Variants in DNAJC5 observed in about 807,000 individuals in gnomAD.
DNAJC5 encodes the protein DnaJ heat shock protein family (Hsp40) member C5.
A neutral mutation model predicts 23.2 loss-of-function variants in DNAJC5; 1 was observed. The ratio of observed to expected loss-of-function variants is 0.04; its 90% confidence interval spans 0.02 to 0.20. DNAJC5 has a LOEUF of 0.20. Ranked by LOEUF, DNAJC5 falls within the 10% of genes least tolerant of loss-of-function variation. The pLI is 1.00. For synonymous variants in DNAJC5, 136 were observed against 120.0 expected (o/e 1.13, Z -0.87); for missense variants, 180 against 267.0 (o/e 0.67, Z 2.27).
At chr20:63,908,312 C>T (rs932622140) in intron 1 of DNAJC5, among the ~76,000 whole-genome samples, 2 of 152,174 alleles carry the variant, frequency 1.3e-5, no homozygotes, top group African/African-American at 4.8e-5. Context: ...AAGTCAGGGC[C>T]GTTTCCATCA....
At chr20:63,913,441 G>A (rs1480463605) in intron 1 of DNAJC5, among the ~76,000 whole-genome samples, 1 of 151,338 alleles carries the variant, frequency 6.6e-6, no homozygotes, top group Non-Finnish European at 1.5e-5. Flanking sequence ...CTGTTGCCCA[G>A]GCTGGAGTGC....
rs1222347341 is a variant in DNAJC5 at position 63,935,647 on chromosome 20, GGAGTCCACACA to G, written c.*4081_*4091del. 1 of 152,280 alleles carries G rather than the reference GGAGTCCACACA, an allele frequency of 6.6e-6. No individual in the cohort carries two copies. The highest frequency in any genetic ancestry group is 1.5e-5 in the Non-Finnish European group (1 of 68,058). The allele number at this position is 152,280 out of a possible 1,614,324, so 9.4% of individuals were successfully genotyped here. Reference sequence around the variant, plus strand: ...GTGCTGGCCCCGGGTCCGCCCCAGAGGAGTCCACACAGCACCACCTCCAGAAGGGGCTGGGC... The same window carrying G: ...GTGCTGGCCCCGGGTCCGCCCCAGAGGCACCACCTCCAGAAGGGGCTGGGC... On this transcript the variant is annotated 3_prime_UTR_variant, in exon 5 of 5. Coordinates refer to ENST00000360864, the MANE Select transcript of DNAJC5 (RefSeq NM_025219.3).
chr20:63,928,156 C>T lies in DNAJC5; in HGVS notation c.-11-179C>T, dbSNP rs536567692. Among the ~76,000 whole-genome samples, 38 of 152,212 alleles carry T rather than the reference C, an allele frequency of 2.5e-4. No individual in the cohort carries two copies. The highest frequency in any genetic ancestry group is 8.2e-4 in the African/African-American group (34 of 41,522). ...GTTCTTCAGGATCTCTTGGGGTGGC[C>T]GTATTCTGCCGTCTCACACTTCTCC... is the stretch of plus-strand genomic sequence containing the variant. On this transcript the variant is annotated intron_variant, in intron 1 of 4. Coordinates refer to ENST00000360864, the MANE Select transcript of DNAJC5 (RefSeq NM_025219.3). The surrounding 1 kb of genome is among the most constrained non-coding windows in gnomAD (Gnocchi z 4.6).
At chr20:63,919,180 A>G (rs567266031) in intron 1 of DNAJC5, among the ~76,000 whole-genome samples, 23 of 152,304 alleles carry the variant, frequency 1.5e-4, no homozygotes, top group Admixed American at 1.5e-3. Context: ...GACCTGCTAG[A>G]CTGCAAGCTG....
At chr20:63,901,055 C>T (rs2053408147) in intron 1 of DNAJC5, among the ~76,000 whole-genome samples, 1 of 152,246 alleles carries the variant, frequency 6.6e-6, no homozygotes, top group South Asian at 2.1e-4. Flanking sequence ...GCTTCCACCT[C>T]CCGGGTTCAA....
chr20:63,909,911 A>G (rs1224192039), intron 1 of DNAJC5, among the ~76,000 whole-genome samples: 2 of 152,220 alleles, frequency 1.3e-5, no homozygotes, highest in Non-Finnish European at 2.9e-5. Flanking sequence ...AGCAAGCAGC[A>G]TGACCTCGTG....
At chr20:63,924,726 G>C (rs1010431318) in intron 1 of DNAJC5, among the ~76,000 whole-genome samples, 1 of 152,242 alleles carries the variant, frequency 6.6e-6, no homozygotes, top group Admixed American at 6.5e-5. Context: ...GTGCGTGCCT[G>C]TAGTCCCGTG....
chr20:63,929,654 G>A lies in DNAJC5; in HGVS notation c.321+129G>A, dbSNP rs1263251526. The stretch of plus-strand genomic sequence containing the variant: ...GGCACCCGAGTCTCTCCTGCCGTGC[G>A]GGCACCCGAGTCTCTCCTGCCGTGC... On this transcript the variant is annotated intron_variant, in intron 3 of 4. Transcript: ENST00000360864. The surrounding 1 kb of genome is among the most constrained non-coding windows in gnomAD (Gnocchi z 8.6). The A allele has an allele frequency of 1.3e-5, 11 of 829,872 alleles. No homozygotes were observed. The highest frequency in any genetic ancestry group is 3.3e-4 in the Middle Eastern group (1 of 2,986). The allele number at this position is 829,872 out of a possible 1,614,324, so 51.4% of individuals were successfully genotyped here. A position where few individuals can be genotyped will look rare whatever the true frequency, so the allele number is the denominator to read the frequency against.
chr20:63,920,205 C>T lies in DNAJC5; in HGVS notation c.-11-8130C>T, dbSNP rs961368844. ...CAGGGGAGGTTCCCAAGAGCAGGCT[C>T]AGGGCTCTGGGGTCTGAGTGAGGGC... On this transcript the variant is annotated intron_variant, in intron 1 of 4. Transcript: ENST00000360864. The surrounding 1 kb of genome is among the most constrained non-coding windows in gnomAD (Gnocchi z 4.6). Among the ~76,000 whole-genome samples the T allele has an allele frequency of 6.6e-6, 1 of 152,238 alleles. No homozygotes were observed. The highest frequency in any genetic ancestry group is 2.4e-5 in the African/African-American group (1 of 41,468).
rs2146313687 is a variant in DNAJC5, at chr20:63,934,339, G to C, written c.*2771G>C. On this transcript the variant is annotated 3_prime_UTR_variant, in exon 5 of 5. Coordinates refer to ENST00000360864, the MANE Select transcript of DNAJC5 (RefSeq NM_025219.3). The stretch of plus-strand genomic sequence containing the variant: ...CCCAGCACCCCTGCCTGCTTTTGCT[G>C]GTGGCAGTGACGGGACCCCGACTCC... The C allele has an allele frequency of 6.6e-6, 1 of 152,374 alleles. No homozygotes were observed. The highest frequency in any genetic ancestry group is 2.1e-4 in the South Asian group (1 of 4,830). 9.4% of individuals were successfully genotyped at this position (152,374 alleles called of 1,614,324 possible). A position where few individuals can be genotyped will look rare whatever the true frequency, so the allele number is the denominator to read the frequency against.
intron 1 of DNAJC5, among the ~76,000 whole-genome samples, chr20:63,905,069 T>C (rs1020626089): frequency 6.7e-6 from 1 of 150,114 alleles, no homozygotes; most frequent in African/African-American, 2.5e-5. Context: ...CCTCCCAAAG[T>C]GTCAGGATTA....
rs1287831120 is a variant in DNAJC5, at chr20:63,933,444, A to G, written c.*1876A>G. On this transcript the variant is annotated 3_prime_UTR_variant, in exon 5 of 5. Coordinates refer to ENST00000360864, the MANE Select transcript of DNAJC5 (RefSeq NM_025219.3). Reference sequence around the variant, plus strand: ...GGTCCTGGGCAGCTTTGTTTGTCCCACTTTTCTTTGTTTCTTCTCACTAAA... The same window carrying G: ...GGTCCTGGGCAGCTTTGTTTGTCCCGCTTTTCTTTGTTTCTTCTCACTAAA... 1 of 152,286 alleles carries G rather than the reference A, an allele frequency of 6.6e-6. No individual in the cohort carries two copies. The highest frequency in any genetic ancestry group is 1.5e-5 in the Non-Finnish European group (1 of 68,026). The allele number at this position is 152,286 out of a possible 1,614,324, so 9.4% of individuals were successfully genotyped here.
intron 1 of DNAJC5, among the ~76,000 whole-genome samples, chr20:63,925,960 T>C (rs182995399): frequency 6.9e-4 from 105 of 151,966 alleles, no homozygotes; most frequent in African/African-American, 2.4e-3. Flanking sequence ...CCCGAGTAGC[T>C]GGGACTACAG....
intron 1 of DNAJC5, among the ~76,000 whole-genome samples, chr20:63,925,662 C>T (rs2053606717): frequency 1.3e-5 from 2 of 151,842 alleles, no homozygotes; most frequent in South Asian, 2.1e-4. Context: ...ACCGGGAACC[C>T]GCCCCATCTG....
At chr20:63,912,534 G>C (rs2053488825) in intron 1 of DNAJC5, among the ~76,000 whole-genome samples, 1 of 152,108 alleles carries the variant, frequency 6.6e-6, no homozygotes, top group African/African-American at 2.4e-5. Flanking sequence ...CCTGTCCCTA[G>C]CATGCTCTGA....
At chr20:63,916,991 T>C (rs2053519386) in intron 1 of DNAJC5, among the ~76,000 whole-genome samples, 1 of 152,222 alleles carries the variant, frequency 6.6e-6, no homozygotes, top group Non-Finnish European at 1.5e-5. Context: ...TGATTTCATA[T>C]TGTTCAAACG....
At chr20:63,921,169 G>A (rs566767376) in intron 1 of DNAJC5, among the ~76,000 whole-genome samples, 1 of 152,212 alleles carries the variant, frequency 6.6e-6, no homozygotes, top group South Asian at 2.1e-4. Flanking sequence ...ATGTTGGTCA[G>A]GCTGGCCTCA....
chr20:63,915,349 C>T (rs1367316428), intron 1 of DNAJC5, among the ~76,000 whole-genome samples: 3 of 150,094 alleles, frequency 2.0e-5, no homozygotes, highest in African/African-American at 4.9e-5. Flanking sequence ...CAGCGACGGG[C>T]GTGTAGTGAA....
intron 1 of DNAJC5, among the ~76,000 whole-genome samples, chr20:63,903,224 A>G (rs932343512): frequency 3.3e-5 from 5 of 152,178 alleles, no homozygotes; most frequent in African/African-American, 1.2e-4. Flanking sequence ...CAGCCTCCCA[A>G]GGTGGTGCAT....
Sources: allele counts gnomAD v4.1 joint callset (sites outside exome capture counted in the v4.1 genomes callset), GRCh38; gene constraint gnomAD v4.1.1; non-coding constraint Gnocchi (gnomAD v3.1); transcripts MANE v1.5; gene names NCBI Gene and HGNC (gene_info 2026-07-23, HGNC 2026-07-21).